The following NRXN3 variants were observed in gnomAD, a reference collection of about 807,000 sequenced individuals.
NRXN3 encodes neurexin III.
NRXN3 carries 32 observed loss-of-function variants against 137.6 expected under a neutral mutation model. That is an observed-to-expected ratio of 0.23 (90% CI 0.18 to 0.31). NRXN3 has a LOEUF of 0.31. NRXN3 is among the 10% of genes least tolerant of loss of function. The probability of loss-of-function intolerance (pLI) is 1.00; values close to 1 mark genes in which losing one functional copy is unlikely to be tolerated. For synonymous variants in NRXN3, 798 were observed against 784.5 expected (o/e 1.02, Z -0.29); for missense variants, 1,574 against 2,062.5 (o/e 0.76, Z 4.59).
At chr14:78,857,925 C>T (rs1267349150) in intron 10 of NRXN3, among the ~76,000 whole-genome samples, 1 of 152,128 alleles carries the variant, frequency 6.6e-6, no homozygotes, top group Non-Finnish European at 1.5e-5. Context: ...TAATTAAACT[C>T]TTAGGTTATA....
chr14:78,948,089 C>A (rs1483962743), intron 10 of NRXN3, among the ~76,000 whole-genome samples: 1 of 152,108 alleles, frequency 6.6e-6, no homozygotes, highest in Non-Finnish European at 1.5e-5. Context: ...GAGAGCAAAG[C>A]CTGAGACAAA....
intron 1 of NRXN3, among the ~76,000 whole-genome samples, chr14:78,230,318 GTC>G (rs1191923567): frequency 9.4e-5 from 14 of 148,338 alleles, no homozygotes; most frequent in African/African-American, 3.2e-4. Flanking sequence ...CTCTGTCTCT[GTC>G]TCTGTCTGTC....
At chr14:78,520,212 G>A (rs1467216462) in intron 4 of NRXN3, among the ~76,000 whole-genome samples, 1 of 152,156 alleles carries the variant, frequency 6.6e-6, no homozygotes, top group African/African-American at 2.4e-5. Flanking sequence ...GTCCAATGGT[G>A]AGCTTATTAT....
rs967494767 is a variant in NRXN3, at chr14:79,214,111, A to G, written c.3262+225970A>G. 7.2e-5 allele frequency among the ~76,000 whole-genome samples: 11 copies of G among 152,238 alleles called. 1 individual carries two copies. Among genetic ancestry groups the G allele is most frequent in the Non-Finnish European group, 2.9e-5 (2 of 68,038 alleles). ...AATATCTATTTTTCAGGAGGCTCTC[A>G]GTTAAATTTTCTTAAAAAGTCTTTC... On this transcript the variant is annotated intron_variant, in intron 15 of 20. Coordinates refer to ENST00000335750, the MANE Select transcript of NRXN3 (RefSeq NM_001330195.2).
intron 10 of NRXN3, among the ~76,000 whole-genome samples, chr14:78,952,558 G>C (rs2099389130): frequency 6.6e-6 from 1 of 152,146 alleles, no homozygotes; most frequent in Non-Finnish European, 1.5e-5. Flanking sequence ...AAAGGGGCTG[G>C]TGGAAGCAAA....
At chr14:78,325,949 C>T (rs890419877) in intron 4 of NRXN3, among the ~76,000 whole-genome samples, 7 of 152,158 alleles carry the variant, frequency 4.6e-5, no homozygotes, top group African/African-American at 1.7e-4. Context: ...CAGCAATTGC[C>T]ATCCTGGAGA....
chr14:79,100,613 C>CT (rs1174169222), intron 15 of NRXN3, among the ~76,000 whole-genome samples: 1 of 152,192 alleles, frequency 6.6e-6, no homozygotes, highest in Non-Finnish European at 1.5e-5. Context: ...CCATTGCCTT[C>CT]TAAAAGGGTT....
rs915131674 is a variant in NRXN3, at chr14:79,008,665, T to C, written c.3262+20524T>C. On this transcript the variant is annotated intron_variant, in intron 15 of 20. Coordinates refer to ENST00000335750, the MANE Select transcript of NRXN3 (RefSeq NM_001330195.2). ...TCTTTTCTTTTTTTCTCTTTGCTTTTTTTTTTTTTTTTTGACAGAGTTTCG... is the reference window on the plus strand; with the variant it reads ...TCTTTTCTTTTTTTCTCTTTGCTTTCTTTTTTTTTTTTTGACAGAGTTTCG... Among the ~76,000 whole-genome samples the C allele has an allele frequency of 1.0e-4, 15 of 150,582 alleles. No homozygotes were observed. In the South Asian group the frequency reaches 1.9e-3, roughly 19 times the overall value.
intron 15 of NRXN3, among the ~76,000 whole-genome samples, chr14:79,352,702 G>A (rs1466068972): frequency 6.6e-6 from 1 of 152,094 alleles, no homozygotes; most frequent in Non-Finnish European, 1.5e-5. Flanking sequence ...AGATATGTCT[G>A]ATGCTAACTC....
chr14:79,661,377 G>C (rs563196815), intron 16 of NRXN3, among the ~76,000 whole-genome samples: 1 of 152,196 alleles, frequency 6.6e-6, no homozygotes, highest in Admixed American at 6.5e-5. Flanking sequence ...CTCACAGCCT[G>C]CTTTGGTTGA....
At chr14:78,444,351 T>C (rs993862483) in intron 4 of NRXN3, among the ~76,000 whole-genome samples, 7 of 152,154 alleles carry the variant, frequency 4.6e-5, no homozygotes, top group African/African-American at 1.7e-4. Flanking sequence ...GCCCAGCTCC[T>C]GTGTTTTTCT....
At chr14:79,843,809 GA>G (rs2099361296) in intron 20 of NRXN3, among the ~76,000 whole-genome samples, 1 of 152,018 alleles carries the variant, frequency 6.6e-6, no homozygotes, top group Non-Finnish European at 1.5e-5. Flanking sequence ...TGGTTGCATG[GA>G]TAAGTTCTGT....
At chr14:78,513,558 C>T (rs557293056) in intron 4 of NRXN3, among the ~76,000 whole-genome samples, 1 of 152,196 alleles carries the variant, frequency 6.6e-6, no homozygotes, top group South Asian at 2.1e-4. Context: ...GACACAGGAA[C>T]ATGCAGTCTA....
intron 4 of NRXN3, among the ~76,000 whole-genome samples, chr14:78,353,227 G>A (rs142741943): frequency 2.6e-5 from 4 of 152,254 alleles, no homozygotes; most frequent in East Asian, 1.9e-4. Context: ...TCCCACACAC[G>A]TTCACTTTTC....
At chr14:78,599,991 C>A (rs2097189619) in intron 4 of NRXN3, among the ~76,000 whole-genome samples, 1 of 152,182 alleles carries the variant, frequency 6.6e-6, no homozygotes, top group Non-Finnish European at 1.5e-5. Context: ...GCCACTCTTC[C>A]TCAGCTCACA....
chr14:79,349,523 C>T (rs1270610837), intron 15 of NRXN3, among the ~76,000 whole-genome samples: 2 of 145,998 alleles, frequency 1.4e-5, no homozygotes, highest in Non-Finnish European at 3.0e-5. Flanking sequence ...ATCTCACCTC[C>T]GTCCTCCCCG....
chr14:78,827,271 GA>G (rs11462484), intron 10 of NRXN3, among the ~76,000 whole-genome samples: 3,947 of 142,168 alleles, frequency 0.028, 55 homozygotes, highest in African/African-American at 0.055. Flanking sequence ...TGAGAGGACC[GA>G]AAAAAAAAAA....
At chr14:78,730,029 C>T (rs558714816) in intron 8 of NRXN3, among the ~76,000 whole-genome samples, 4 of 152,132 alleles carry the variant, frequency 2.6e-5, no homozygotes, top group Admixed American at 6.5e-5. Flanking sequence ...TTAGGATTTT[C>T]GTAGTTGGAG....
intron 15 of NRXN3, among the ~76,000 whole-genome samples, chr14:79,409,786 G>T (rs1469176360): frequency 6.6e-6 from 1 of 151,436 alleles, no homozygotes; most frequent in Non-Finnish European, 1.5e-5. Flanking sequence ...CCAGCCCTTT[G>T]TTGTTCACTG....
Sources: allele counts gnomAD v4.1 joint callset (sites outside exome capture counted in the v4.1 genomes callset), GRCh38; gene constraint gnomAD v4.1.1; transcripts MANE v1.5; gene names NCBI Gene and HGNC (gene_info 2026-07-23, HGNC 2026-07-21).